Variants in SNX1 observed in about 807,000 individuals in gnomAD.
SNX1 encodes the protein sorting nexin-1.
A neutral mutation model predicts 71.8 loss-of-function variants in SNX1; 36 were observed. The observed-to-expected ratio is 0.50, with a 90% confidence interval of 0.38 to 0.66. The LOEUF (loss-of-function observed/expected upper bound fraction) is 0.66. SNX1 is among the 30% of genes least tolerant of loss of function. The pLI is 0.00. For synonymous variants in SNX1, 254 were observed against 240.7 expected (o/e 1.06, Z -0.51); for missense variants, 612 against 646.7 (o/e 0.95, Z 0.58).
At chr15:64,112,228 A>G (rs944199454) in intron 1 of SNX1, among the ~76,000 whole-genome samples, 7 of 152,316 alleles carry the variant, frequency 4.6e-5, no homozygotes, top group Non-Finnish European at 5.9e-5. Flanking sequence ...TAGAATGTGC[A>G]CAGTCAGCAT....
chr15:64,137,276 T>C (rs1480952017), intron 14 of SNX1, among the ~76,000 whole-genome samples: 1 of 152,210 alleles, frequency 6.6e-6, no homozygotes, highest in African/African-American at 2.4e-5. Flanking sequence ...GTGGCCCCAC[T>C]GTGAGGAACT....
Position 64,134,881 on chromosome 15 carries a change from A to T in SNX1, c.1365+74A>T, listed in dbSNP as rs781156640. Reference sequence around the variant, plus strand: ...TGAACCCAGGGCCCATCCCACCCAGAGGTTTGGAACCCCACAGGGGGAAGA... The same window carrying T: ...TGAACCCAGGGCCCATCCCACCCAGTGGTTTGGAACCCCACAGGGGGAAGA... On this transcript the variant is annotated intron_variant, in intron 12 of 14. Coordinates refer to ENST00000559844, the MANE Select transcript of SNX1 (RefSeq NM_003099.5). This position sits in a 1 kb window ranked among gnomAD's most constrained non-coding sequence, Gnocchi z 4.1. 363 of 1,570,450 alleles carry T rather than the reference A, an allele frequency of 2.3e-4. No individual in the cohort carries two copies. The highest frequency in any genetic ancestry group is 3.0e-4 in the Non-Finnish European group (347 of 1,156,540).
In SNX1 at chr15:64,126,060, G is replaced by T. The variant is rs1478632717; in HGVS notation, c.511-19G>T. On this transcript the variant is annotated intron_variant, in intron 5 of 14. Transcript: ENST00000559844. ...CCTATTTGGAATGAAATTGCCTTGT[G>T]TTTTTTCCTGTCCCCAAGACAAGCT... 1 of 1,613,898 alleles carries T rather than the reference G, an allele frequency of 6.2e-7. No individual in the cohort carries two copies. Among genetic ancestry groups the T allele is most frequent in the Admixed American group, 1.7e-5 (1 of 59,988 alleles).
intron 1 of SNX1, among the ~76,000 whole-genome samples, chr15:64,104,130 C>T (rs1404745209): frequency 1.3e-5 from 2 of 152,094 alleles, no homozygotes; most frequent in Non-Finnish European, 2.9e-5. Flanking sequence ...AGTTTTACTT[C>T]GCATAAGTTT....
intron 10 of SNX1, among the ~76,000 whole-genome samples, chr15:64,131,011 G>A (rs563903519): frequency 2.6e-5 from 4 of 152,298 alleles, no homozygotes; most frequent in South Asian, 2.1e-4. Context: ...TTAGCCGGTC[G>A]CGGTGGCTCA....
At chr15:64,119,744 A>G (rs1343257056) in intron 4 of SNX1, among the ~76,000 whole-genome samples, 1 of 150,988 alleles carries the variant, frequency 6.6e-6, no homozygotes, top group African/African-American at 2.4e-5. Context: ...AAAAACACAC[A>G]CACACACACA....
Position 64,112,586 on chromosome 15 carries a change from C to T in SNX1, c.173C>T (p.Ser58Phe). The T allele has an allele frequency of 6.2e-7, 1 of 1,606,206 alleles. No homozygotes were observed. The highest frequency in any genetic ancestry group is 1.1e-5 in the South Asian group (1 of 90,322). Residue 58 changes from serine to phenylalanine, a missense_variant, in exon 2 of 15, where the codon TCT becomes TTT. By Grantham distance (155) the Ser-to-Phe change is radical. Coordinates refer to ENST00000559844, the MANE Select transcript of SNX1 (RefSeq NM_003099.5). Reference sequence around the variant, plus strand: ...CTTTGTTTTCAGAGTAAACATCAGTCTCCAAAGATAACTACATCCCTTCTT... The same window carrying T: ...CTTTGTTTTCAGAGTAAACATCAGTTTCCAAAGATAACTACATCCCTTCTT... Reference protein sequence around the residue: ...TGAAVVSKHQSPKITTSLLPI... With the variant: ...TGAAVVSKHQFPKITTSLLPI...
chr15:64,125,656 A>G (rs1273284945), intron 5 of SNX1, among the ~76,000 whole-genome samples: 1 of 152,078 alleles, frequency 6.6e-6, no homozygotes, highest in East Asian at 1.9e-4. Flanking sequence ...AAAAAAAAAT[A>G]GTCAATAAAA....
Position 64,136,363 on chromosome 15 carries a change from T to C in SNX1, c.1399T>C (p.Phe467Leu). The change falls in exon 13 of 15, where the codon TTC becomes CTC. Residue 467 changes from phenylalanine (F) to leucine (L), a missense_variant. Around this residue, in one of 2 missense-constraint regions of SNX1, gnomAD observed 296 missense variants for 361.9 expected, o/e 0.82. Coordinates refer to ENST00000559844, the MANE Select transcript of SNX1 (RefSeq NM_003099.5). Reference sequence around the variant, plus strand: ...TCGGGTGACTCAATATGAAAGGGACTTCGAGAGGATTTCAACAGTGGTCCG... The same window carrying C: ...TCGGGTGACTCAATATGAAAGGGACCTCGAGAGGATTTCAACAGTGGTCCG... ...ESRVTQYERD[F>L]ERISTVVRKE... 6.2e-7 allele frequency: 1 copy of C among 1,614,150 alleles called. No individual in the cohort carries two copies. The highest frequency in any genetic ancestry group is 8.5e-7 in the Non-Finnish European group (1 of 1,179,988).
chr15:64,127,064 G>T, intron 6 of SNX1, 110 bp from the exon 7 acceptor site: 2 of 781,918 alleles, frequency 2.6e-6, no homozygotes, highest in South Asian at 3.2e-5. Context: ...AGTGGCCTTA[G>T]GCTGTGTGCT....
intron 10 of SNX1, among the ~76,000 whole-genome samples, chr15:64,130,702 C>A (rs552699683): frequency 5.3e-5 from 8 of 152,240 alleles, no homozygotes; most frequent in Non-Finnish European, 1.2e-4. Flanking sequence ...AATCCTTCTG[C>A]ATCTCTCTTT....
intron 2 of SNX1, among the ~76,000 whole-genome samples, chr15:64,116,838 A>G (rs1361956038): frequency 6.6e-6 from 1 of 152,188 alleles, no homozygotes; most frequent in African/African-American, 2.4e-5. Flanking sequence ...TGCTATTTTT[A>G]AAGTCCCTTC....
chr15:64,133,520 A>G (rs1038657066), intron 11 of SNX1, among the ~76,000 whole-genome samples: 2 of 152,228 alleles, frequency 1.3e-5, no homozygotes, highest in Non-Finnish European at 2.9e-5. Flanking sequence ...ACCTGAGGTC[A>G]GGAGTTCGAG....
Position 64,134,872 on chromosome 15 carries a change from C to G in SNX1, c.1365+65C>G. On this transcript the variant is annotated intron_variant, in intron 12 of 14. Transcript: ENST00000559844. The surrounding 1 kb of genome is among the most constrained non-coding windows in gnomAD (Gnocchi z 4.1). Reference sequence around the variant, plus strand: ...GGTTCCAAATGAACCCAGGGCCCATCCCACCCAGAGGTTTGGAACCCCACA... The same window carrying G: ...GGTTCCAAATGAACCCAGGGCCCATGCCACCCAGAGGTTTGGAACCCCACA... The G allele has an allele frequency of 1.3e-6, 2 of 1,586,080 alleles. No homozygotes were observed. The highest frequency in any genetic ancestry group is 1.7e-6 in the Non-Finnish European group (2 of 1,165,334).
chr15:64,101,424 T>C (rs1170566242), intron 1 of SNX1, among the ~76,000 whole-genome samples: 1 of 152,250 alleles, frequency 6.6e-6, no homozygotes, highest in Non-Finnish European at 1.5e-5. Flanking sequence ...TCATCCATGT[T>C]ATAACATGTG....
chr15:64,127,086 C>A, intron 6 of SNX1, 88 bp from the exon 7 acceptor site: 1 of 1,003,612 alleles, frequency 1.0e-6, no homozygotes. Flanking sequence ...GCCTCACTGC[C>A]TTTCCTCCTG....
chr15:64,097,658 G>A (rs1279790186), intron 1 of SNX1, among the ~76,000 whole-genome samples: 3 of 152,202 alleles, frequency 2.0e-5, no homozygotes, highest in African/African-American at 7.2e-5. Context: ...ATCAGTTATG[G>A]AACCAGTAGA....
intron 1 of SNX1, among the ~76,000 whole-genome samples, chr15:64,105,008 G>A (rs1460772365): frequency 1.3e-5 from 2 of 152,042 alleles, no homozygotes; most frequent in South Asian, 4.1e-4. Flanking sequence ...GCTGAGGTGG[G>A]TGGATCACCT....
At chr15:64,124,251 A>G (rs2081227001) in intron 5 of SNX1, among the ~76,000 whole-genome samples, 1 of 149,634 alleles carries the variant, frequency 6.7e-6, no homozygotes, top group African/African-American at 2.5e-5. Flanking sequence ...TCACGCCTGT[A>G]ATTCCAGCAC....
Sources: gnomAD v4.1 joint callset for allele counts (sites outside exome capture counted in the v4.1 genomes callset) on GRCh38, gnomAD v4.1.1 for gene constraint, gnomAD v4.1.1 regional missense constraint, Gnocchi (gnomAD v3.1) non-coding constraint, MANE v1.5 for transcripts, NCBI Gene and HGNC (gene_info 2026-07-23, HGNC 2026-07-21) for gene names.